Variants in SERINC4 observed in about 807,000 individuals in gnomAD.
SERINC4 encodes the protein serine incorporator 4.
A neutral mutation model predicts 52.0 loss-of-function variants in SERINC4; 52 were observed. The ratio of observed to expected loss-of-function variants is 1.00; its 90% CI spans 0.80 to 1.26. The LOEUF is 1.26. Among genes scored for constraint, SERINC4 ranks in the 50% most tolerant of loss-of-function variants. The pLI is 0.00. For synonymous variants in SERINC4, 264 were observed against 247.7 expected, an observed-to-expected ratio of 1.07 and a Z score of -0.62; for missense variants, 723 against 632.8, an observed-to-expected ratio of 1.14 and a Z score of -1.53.
chr15:43,796,305 A>G, intron 8 of SERINC4, 78 bp from the exon 9 acceptor site: 1 of 1,105,040 alleles, frequency 9.0e-7, no homozygotes, highest in East Asian at 2.4e-5. Context: ...ATTGGTCCAT[A>G]CTGGTAATCC....
At chr15:43,797,523 G>C (rs1448610193) in intron 5 of SERINC4, 167 bp from the exon 6 acceptor site, 2 of 596,848 alleles carry the variant, frequency 3.4e-6, no homozygotes, top group Admixed American at 6.0e-5. Context: ...CTCCTGAGTA[G>C]CTGGGATTAC....
chr15:43,795,873 A>G (rs2087203463), intron 9 of SERINC4, 137 bp from the exon 10 acceptor site: 9 of 827,196 alleles, frequency 1.1e-5, no homozygotes, highest in Non-Finnish European at 1.3e-5. Context: ...GCTCCAGCAT[A>G]TAAGTGGCTG....
At position 43,795,225 on chromosome 15, in the gene SERINC4, A is replaced by G; in HGVS notation, c.1344-12T>C. 1 of 1,612,920 alleles carries G rather than the reference A, an allele frequency of 6.2e-7. No individual in the cohort carries two copies. Among genetic ancestry groups the G allele is most frequent in the Non-Finnish European group, 8.5e-7 (1 of 1,178,972 alleles). On this transcript the variant is annotated splice_polypyrimidine_tract_variant and intron_variant, in intron 11 of 11. Transcript: ENST00000319327. ...CTGCTCCCTCATAGCTGTGTAACCA[A>G]AGGCTCTGGTTAGAGAATATGAAGG...
At chr15:43,798,306 C>T (rs1028913461) in intron 4 of SERINC4, 119 bp downstream of exon 4, 44 of 821,286 alleles carry the variant, frequency 5.4e-5, no homozygotes, top group Non-Finnish European at 9.2e-5. Flanking sequence ...GCCTCAGCCT[C>T]CCAAAGTGCT....
intron 9 of SERINC4, 190 bp from the exon 10 acceptor site, chr15:43,795,926 C>T (rs1596046119): frequency 1.5e-6 from 1 of 655,594 alleles, no homozygotes; most frequent in East Asian, 2.7e-5. Flanking sequence ...GCCTCGATTT[C>T]TCCATTTGTA....
chr15:43,794,886 C>T lies in SERINC4; in HGVS notation c.*114G>A. ...TCCAGTTCATAGTATTGACTTCAGCCCAAACGGAGATAACTCCCTGTGTGT... is the reference window on the plus strand; with the variant it reads ...TCCAGTTCATAGTATTGACTTCAGCTCAAACGGAGATAACTCCCTGTGTGT... On this transcript the variant is annotated 3_prime_UTR_variant, in exon 12 of 12. Transcript: ENST00000319327. 2.5e-6 allele frequency: 2 copies of T among 807,232 alleles called. No individual in the cohort carries two copies. The highest frequency in any genetic ancestry group is 3.3e-5 in the South Asian group (2 of 60,314). 50.0% of individuals were successfully genotyped at this position (807,232 alleles called of 1,614,324 possible).
Position 43,795,486 on chromosome 15 carries a change from T to A in SERINC4, c.1245A>T (p.Pro415=). Residue 415 remains proline, a synonymous_variant, in exon 11 of 12, where the codon CCA becomes CCT. Coordinates refer to ENST00000319327, the MANE Select transcript of SERINC4 (RefSeq NM_001258031.2). ...PADQETPPAP[P]VQVQHLSYNY... ...TGTAGGAAAGATGCTGGACTTGGAC[T>A]GGAGGAGCTGGAGGGGTTTCTTGGT... The A allele has an allele frequency of 6.2e-7, 1 of 1,614,200 alleles. No individual in the cohort carries two copies. Among genetic ancestry groups the A allele is most frequent in the Non-Finnish European group, 8.5e-7 (1 of 1,180,030 alleles).
chr15:43,795,492 A>T lies in SERINC4; in HGVS notation c.1239T>A (p.Ala413=), dbSNP rs761334957. Residue 413 remains alanine (A), a synonymous_variant, in exon 11 of 12, where the codon GCT becomes GCA. Coordinates refer to ENST00000319327, the MANE Select transcript of SERINC4 (RefSeq NM_001258031.2). ...AAAGATGCTGGACTTGGACTGGAGGAGCTGGAGGGGTTTCTTGGTCAGCTG... is the reference window on the plus strand; with the variant it reads ...AAAGATGCTGGACTTGGACTGGAGGTGCTGGAGGGGTTTCTTGGTCAGCTG... ...ARPADQETPP[A]PPVQVQHLSY... 6 of 1,614,162 alleles carry T rather than the reference A, an allele frequency of 3.7e-6. No individual in the cohort carries two copies. In the Middle Eastern group the frequency reaches 5.0e-4, roughly 133 times the overall value.
At chr15:43,797,841 T>A (rs2087244157) in intron 5 of SERINC4, 79 bp downstream of exon 5, 1 of 964,654 alleles carries the variant, frequency 1.0e-6, no homozygotes, top group Admixed American at 1.9e-5. Context: ...TGCTCTGCCG[T>A]GCCTTTTGCC....
In SERINC4 at chr15:43,794,904, C is replaced by G. The variant is rs1050669355; in HGVS notation, c.*96G>C. On this transcript the variant is annotated 3_prime_UTR_variant, in exon 12 of 12. Coordinates refer to ENST00000319327, the MANE Select transcript of SERINC4 (RefSeq NM_001258031.2). Reference sequence around the variant, plus strand: ...CTTCAGCCCAAACGGAGATAACTCCCTGTGTGTCCTTGAGGTATTGAGCTG... The same window carrying G: ...CTTCAGCCCAAACGGAGATAACTCCGTGTGTGTCCTTGAGGTATTGAGCTG... 4.4e-6 allele frequency: 4 copies of G among 916,610 alleles called. No homozygotes were observed. In the East Asian group the frequency reaches 9.6e-5, roughly 22 times the overall value. 56.8% of individuals were successfully genotyped at this position (916,610 alleles called of 1,614,324 possible).
intron 8 of SERINC4, 101 bp from the exon 9 acceptor site, chr15:43,796,328 C>T: frequency 2.2e-6 from 2 of 898,956 alleles, no homozygotes; most frequent in Middle Eastern, 2.2e-4. Flanking sequence ...AAAAGGGTAC[C>T]ATACTCCCTG....
At chr15:43,796,275 T>C in intron 8 of SERINC4, 48 bp from the exon 9 acceptor site, 1 of 1,440,160 alleles carries the variant, frequency 6.9e-7, no homozygotes, top group Non-Finnish European at 9.8e-7. Context: ...ATAGGGATTA[T>C]CTGGGGGCAT....
chr15:43,799,669 C>T lies in SERINC4; in HGVS notation c.103-183G>A, dbSNP rs1032589013. ...ATTTGGGATTGCCGCCCACTGACAA[C>T]TTAGTAGGGCTTTCATTATAAGCAG... On this transcript the variant is annotated intron_variant, in intron 1 of 11. Coordinates refer to ENST00000319327, the MANE Select transcript of SERINC4 (RefSeq NM_001258031.2). 30 of 840,960 alleles carry T rather than the reference C, an allele frequency of 3.6e-5. No individual in the cohort carries two copies. The Admixed American group carries it at 5.8e-4, about 16-fold the overall frequency. The allele number at this position is 840,960 out of a possible 1,614,324, so 52.1% of individuals were successfully genotyped here. A position where few individuals can be genotyped will look rare whatever the true frequency, so the allele number is the denominator to read the frequency against.
rs1192257840 is a variant in SERINC4 at position 43,799,465 on chromosome 15, G to T, written c.124C>A (p.Pro42Thr). 1.2e-5 allele frequency: 19 copies of T among 1,550,758 alleles called. No individual in the cohort carries two copies. Among genetic ancestry groups the T allele is most frequent in the Non-Finnish European group, 1.7e-5 (19 of 1,147,022 alleles). The change falls in exon 2 of 12, where the codon CCT (proline) becomes ACT (threonine). Residue 42 changes from proline to threonine, a missense_variant. Transcript: ENST00000319327. ...FCQVCCCGPA[P>T]CASCCHSRWP... ...CTAGAGTGGCAGCAGCTGGCACAAG[G>T]AGCAGGCCCACAGCAGCACACCTGG... is the stretch of plus-strand genomic sequence containing the variant.
rs982950512 is a variant in SERINC4, at chr15:43,795,336, C to T, written c.1343+52G>A. On this transcript the variant is annotated intron_variant, in intron 11 of 11. Coordinates refer to ENST00000319327, the MANE Select transcript of SERINC4 (RefSeq NM_001258031.2). ...CTGGAATGGCCTTGAATTGCTCTTT[C>T]CTTAAAATAGCTAGCTCTTCAGGAG... 2.2e-5 allele frequency: 36 copies of T among 1,608,652 alleles called. No homozygotes were observed. In the East Asian group the frequency reaches 7.6e-4, roughly 34 times the overall value.
chr15:43,798,148 C>G (rs2087250011), intron 4 of SERINC4, 135 bp from the exon 5 acceptor site: 3 of 661,612 alleles, frequency 4.5e-6, no homozygotes, highest in Non-Finnish European at 7.9e-6. Flanking sequence ...CTCCCGGGTT[C>G]AAGTGATTCT....
chr15:43,799,783 A>G, intron 1 of SERINC4, 102 bp downstream of exon 1: 2 of 987,862 alleles, frequency 2.0e-6, no homozygotes, highest in Non-Finnish European at 3.1e-6. Context: ...TGGGGCAACG[A>G]ACCAGAACGA....
chr15:43,796,750 G>A lies in SERINC4; in HGVS notation c.941-8C>T, dbSNP rs564532163. 3 of 1,614,190 alleles carry A rather than the reference G, an allele frequency of 1.9e-6. No homozygotes were observed. Among genetic ancestry groups the A allele is most frequent in the African/African-American group, 1.3e-5 (1 of 75,064 alleles). On this transcript the variant is annotated splice_region_variant and splice_polypyrimidine_tract_variant and intron_variant, in intron 7 of 11. Coordinates refer to ENST00000319327, the MANE Select transcript of SERINC4 (RefSeq NM_001258031.2). The stretch of plus-strand genomic sequence containing the variant: ...TCTGTCCTTGAAGGATTACTGGGAA[G>A]GGACAACAGAAGAGATGGGTATTAA...
chr15:43,796,808 A>G (rs760655918), intron 7 of SERINC4, 37 bp downstream of exon 7: 22 of 1,612,914 alleles, frequency 1.4e-5, no homozygotes, highest in Non-Finnish European at 2.5e-6. Flanking sequence ...GGGCAAAAAA[A>G]GGTCTTAGCA....
Sources: gnomAD v4.1 joint callset for allele counts on GRCh38, gnomAD v4.1.1 for gene constraint, MANE v1.5 for transcripts, NCBI Gene and HGNC (gene_info 2026-07-23, HGNC 2026-07-21) for gene names.